The following CCDC88A variants were observed in gnomAD, a reference collection of about 807,000 sequenced individuals.
CCDC88A encodes coiled-coil and HOOK domain protein 88A, also known as girdin.
A neutral mutation model predicts 234.3 loss-of-function variants in CCDC88A; 54 were observed. The ratio of observed to expected loss-of-function variants is 0.23; its 90% CI spans 0.19 to 0.29. The LOEUF (loss-of-function observed/expected upper bound fraction) is 0.29, where lower values mean the gene tolerates loss of function less well. Among genes scored for constraint, CCDC88A ranks in the 10% least tolerant of loss-of-function variants. CCDC88A has a pLI of 1.00. For missense variants in CCDC88A, 1,832 were observed against 2,123.4 expected, an observed-to-expected ratio of 0.86 and a Z score of 2.70; for synonymous variants, 753 against 737.8, an observed-to-expected ratio of 1.02 and a Z score of -0.33.
intron 7 of CCDC88A, among the ~76,000 whole-genome samples, chr2:55,361,607 T>G (rs1200502646): frequency 6.6e-6 from 1 of 152,170 alleles, no homozygotes; most frequent in African/African-American, 2.4e-5. Context: ...CAAAACTGTC[T>G]CTCACATGTA....
intron 25 of CCDC88A, among the ~76,000 whole-genome samples, 158 bp from the exon 26 acceptor site, chr2:55,303,310 G>A (rs1384629342): frequency 6.6e-6 from 1 of 152,028 alleles, no homozygotes; most frequent in East Asian, 1.9e-4. Flanking sequence ...ATGCTGCTGA[G>A]TGATAATGAA....
At chr2:55,340,627 G>C (rs1252998371) in intron 12 of CCDC88A, among the ~76,000 whole-genome samples, 2 of 151,916 alleles carry the variant, frequency 1.3e-5, no homozygotes, top group South Asian at 2.1e-4. Flanking sequence ...ATTCTAAGTA[G>C]CAACTAATGA....
chr2:55,293,611 T>TACAACA (rs372937548), intron 31 of CCDC88A: 1 of 151,780 alleles, frequency 6.6e-6, no homozygotes, highest in Non-Finnish European at 1.5e-5. Flanking sequence ...AACCACTTAA[T>TACAACA]ACAACAACAA....
Position 55,301,758 on chromosome 2 carries a change from T to C in CCDC88A, c.4672+114A>G, listed in dbSNP as rs142641264. Reference sequence around the variant, plus strand: ...GTTCCTCCAAATCCAATACAGATCATGTTTTGATAATTATTTCAGGTTGCT... The same window carrying C: ...GTTCCTCCAAATCCAATACAGATCACGTTTTGATAATTATTTCAGGTTGCT... On this transcript the variant is annotated intron_variant, in intron 27 of 32. Transcript: ENST00000436346. The C allele has an allele frequency of 2.0e-3, 1,661 of 846,430 alleles. 24 individuals carry two copies. In the African/African-American group the frequency reaches 0.025, roughly 13 times the overall value. 52.4% of individuals were successfully genotyped at this position (846,430 alleles called of 1,614,324 possible).
At chr2:55,308,201 G>C (rs6705991) in intron 25 of CCDC88A, 26,242 of 152,102 alleles carry the variant, frequency 0.17, 5,144 homozygotes, top group African/African-American at 0.49. Flanking sequence ...CCCCAAAGTG[G>C]TGGGATTACA....
chr2:55,349,424 A>G (rs1400771227), intron 9 of CCDC88A, 94 bp downstream of exon 9: 8 of 887,846 alleles, frequency 9.0e-6, no homozygotes, highest in Non-Finnish European at 1.3e-5. Flanking sequence ...TTTTATTTAC[A>G]TAAAGCATTG....
chr2:55,330,449 G>A (rs546671315), intron 16 of CCDC88A, among the ~76,000 whole-genome samples: 24 of 152,058 alleles, frequency 1.6e-4, no homozygotes, highest in Non-Finnish European at 2.6e-4. Context: ...CTCCAACCTG[G>A]GTGACAAGAG....
At position 55,290,498 on chromosome 2, in the gene CCDC88A, A is replaced by G. The variant is rs905304676; in HGVS notation, c.*702T>C. On this transcript the variant is annotated 3_prime_UTR_variant, in exon 33 of 33. Coordinates refer to ENST00000436346, the MANE Select transcript of CCDC88A (RefSeq NM_001365480.1). Reference sequence around the variant, plus strand: ...ACCATGGGTTAACTTATGAATGCTTAGTGTTGCTTAATGGGAAATATGGAA... The same window carrying G: ...ACCATGGGTTAACTTATGAATGCTTGGTGTTGCTTAATGGGAAATATGGAA... 2 of 152,144 alleles carry G rather than the reference A, an allele frequency of 1.3e-5. No homozygotes were observed. Among genetic ancestry groups the G allele is most frequent in the Non-Finnish European group, 2.9e-5 (2 of 67,942 alleles). The allele number at this position is 152,144 out of a possible 1,614,324, so 9.4% of individuals were successfully genotyped here.
chr2:55,339,729 G>A (rs1401978207), intron 12 of CCDC88A, 81 bp from the exon 13 acceptor site: 31 of 1,142,542 alleles, frequency 2.7e-5, no homozygotes, highest in Non-Finnish European at 3.7e-5. Context: ...AAAAAGTTGA[G>A]TGTATATGCA....
chr2:55,304,713 C>A (rs1011790927), intron 25 of CCDC88A, among the ~76,000 whole-genome samples: 1 of 151,932 alleles, frequency 6.6e-6, no homozygotes, highest in Admixed American at 6.6e-5. Flanking sequence ...GTCATTAGAA[C>A]AAAAATAAAA....
At chr2:55,365,497 T>C (rs1671825770) in intron 5 of CCDC88A, among the ~76,000 whole-genome samples, 1 of 152,204 alleles carries the variant, frequency 6.6e-6, no homozygotes, top group African/African-American at 2.4e-5. Flanking sequence ...GCCGTATCTT[T>C]CTCTGCCTTC....
intron 31 of CCDC88A, chr2:55,295,368 G>A (rs1679909693): frequency 1.3e-6 from 2 of 1,535,498 alleles, no homozygotes; most frequent in Non-Finnish European, 1.8e-6. Flanking sequence ...ATGGGCCACA[G>A]TAAATGGTCC....
At chr2:55,387,709 G>A (rs1387816840) in intron 3 of CCDC88A, among the ~76,000 whole-genome samples, 1 of 148,392 alleles carries the variant, frequency 6.7e-6, no homozygotes, top group Non-Finnish European at 1.5e-5. Flanking sequence ...TTGAACCCAG[G>A]AGGCAGAGGT....
intron 17 of CCDC88A, among the ~76,000 whole-genome samples, chr2:55,325,557 TA>T (rs1684155514): frequency 6.6e-6 from 1 of 152,192 alleles, no homozygotes. Flanking sequence ...GGATCACCAG[TA>T]CAGCATTTAA....
chr2:55,375,672 C>T (rs1558769178), intron 3 of CCDC88A, among the ~76,000 whole-genome samples: 1 of 151,192 alleles, frequency 6.6e-6, no homozygotes, highest in Non-Finnish European at 1.5e-5. Context: ...GGACTAGAGG[C>T]GCCTACCACG....
At position 55,296,427 on chromosome 2, in the gene CCDC88A, C is replaced by G. The variant is rs757576625; in HGVS notation, c.4922G>C (p.Ser1641Thr). The G allele has an allele frequency of 8.5e-5, 138 of 1,614,178 alleles. 1 individual carries two copies. In the East Asian group the frequency reaches 2.9e-3, roughly 34 times the overall value. Residue 1641 changes from serine (S) to threonine (T), a missense_variant, in exon 30 of 33, where the codon AGT becomes ACT. Ser to Thr is a moderately conservative substitution (Grantham distance 58, BLOSUM62 1). Transcript: ENST00000436346. ...DHEAWSSSGS[S>T]PIQYLKRQTR... ...CTGTCTTTTCAAGTACTGGATTGGA[C>G]TGCTACCACTGCTGGACCAAGCCTC...
chr2:55,327,886 T>C, intron 17 of CCDC88A, among the ~76,000 whole-genome samples: 1 of 152,238 alleles, frequency 6.6e-6, no homozygotes, highest in Non-Finnish European at 1.5e-5. Context: ...CTGTCTTATA[T>C]AACACACATA....
chr2:55,334,208 T>C lies in CCDC88A; in HGVS notation c.2613A>G (p.Lys871=). ...NLEKENKTLS[K]EIGIYKESCV... ...AAGATTCTTTATATATACCAATTTC[T>C]TTGGATAGGGTTTTGTTTTCTTTTT... The change falls in exon 15 of 33, where the codon AAA becomes AAG. Residue 871 remains lysine, a synonymous_variant. Coordinates refer to ENST00000436346, the MANE Select transcript of CCDC88A (RefSeq NM_001365480.1). The surrounding 1 kb of genome is among the most constrained non-coding windows in gnomAD (Gnocchi z 6.1). 3 of 1,436,470 alleles carry C rather than the reference T, an allele frequency of 2.1e-6. No individual in the cohort carries two copies. The highest frequency in any genetic ancestry group is 2.7e-6 in the Non-Finnish European group (3 of 1,096,226). The allele number at this position is 1,436,470 out of a possible 1,614,324, so 89.0% of individuals were successfully genotyped here.
At chr2:55,416,427 AATAAATAAATAAATAAATATATATATAT>A (rs1432564399) in intron 2 of CCDC88A, among the ~76,000 whole-genome samples, 832 of 43,770 alleles carry the variant, frequency 0.019, 92 homozygotes, top group Admixed American at 0.03. Context: ...GAAGAGGTCA[AATAAATAAATAAATAAATATATATATAT>A]ATATATATAT....
Sources: gnomAD v4.1 joint callset for allele counts (sites outside exome capture counted in the v4.1 genomes callset) on GRCh38, gnomAD v4.1.1 for gene constraint, Gnocchi (gnomAD v3.1) non-coding constraint, MANE v1.5 for transcripts, NCBI Gene and HGNC (gene_info 2026-07-23, HGNC 2026-07-21) for gene names.